Variants in ROBO2 observed in about 807,000 individuals in gnomAD.
The protein encoded by ROBO2 is roundabout homolog 2.
Under a neutral mutation model 160.8 loss-of-function variants are expected in ROBO2, and 53 were observed. That is an observed-to-expected ratio of 0.33 (90% CI 0.26 to 0.41). The LOEUF (loss-of-function observed/expected upper bound fraction) is 0.41, where lower values mean the gene tolerates loss of function less well. Ranked by LOEUF, ROBO2 falls within the 10% of genes least tolerant of loss-of-function variation. The probability of loss-of-function intolerance (pLI) is 1.00; values close to 1 mark genes in which losing one functional copy is unlikely to be tolerated. For synonymous variants in ROBO2, 664 were observed against 611.7 expected, an observed-to-expected ratio of 1.09 and a Z score of -1.26; for missense variants, 1,577 against 1,722.4, an observed-to-expected ratio of 0.92 and a Z score of 1.49.
At chr3:77,581,861 T>C (rs1008571069) in intron 16 of ROBO2, among the ~76,000 whole-genome samples, 72 of 152,204 alleles carry the variant, frequency 4.7e-4, no homozygotes, top group African/African-American at 1.7e-3. Context: ...ATTGTAATTA[T>C]GGATTTATGT....
intron 2 of ROBO2, among the ~76,000 whole-genome samples, chr3:76,920,650 A>G (rs1239556983): frequency 2.0e-5 from 3 of 152,258 alleles, no homozygotes; most frequent in Admixed American, 1.3e-4. Context: ...TCTTGCTTAA[A>G]AACATTATAT....
chr3:77,133,430 TAAC>T (rs2076020059), intron 2 of ROBO2, among the ~76,000 whole-genome samples: 1 of 152,150 alleles, frequency 6.6e-6, no homozygotes, highest in Non-Finnish European at 1.5e-5. Context: ...GGAAATCAAA[TAAC>T]AACTCTATTA....
chr3:77,122,996 G>C (rs2074931876), intron 2 of ROBO2, among the ~76,000 whole-genome samples: 1 of 152,044 alleles, frequency 6.6e-6, no homozygotes, highest in Non-Finnish European at 1.5e-5. Flanking sequence ...TTTGATCAAA[G>C]TCATTACTTT....
At chr3:76,214,589 C>T (rs1703373381) in intron 2 of ROBO2, among the ~76,000 whole-genome samples, 1 of 152,198 alleles carries the variant, frequency 6.6e-6, no homozygotes, top group Non-Finnish European at 1.5e-5. Flanking sequence ...TGAGATCGAA[C>T]TGCAAGGCAG....
Position 77,634,795 on chromosome 3 carries a change from G to A in ROBO2, c.3761-75G>A, listed in dbSNP as rs999756318. The A allele has an allele frequency of 5.0e-5, 70 of 1,394,376 alleles. 1 individual carries two copies. In the South Asian group the frequency reaches 6.6e-4, roughly 13 times the overall value. The allele number at this position is 1,394,376 out of a possible 1,614,324, so 86.4% of individuals were successfully genotyped here. A position where few individuals can be genotyped will look rare whatever the true frequency, so the allele number is the denominator to read the frequency against. ...TAGGTAGATTTACAGGTTAGTCATA[G>A]TGCAGAAATATAGGACAGAATCAGT... On this transcript the variant is annotated intron_variant, in intron 23 of 25. Transcript: ENST00000461745.
chr3:77,342,893 G>A (rs145916823), intron 2 of ROBO2, among the ~76,000 whole-genome samples: 50 of 152,316 alleles, frequency 3.3e-4, no homozygotes, highest in African/African-American at 1.2e-3. Flanking sequence ...GAATACCACA[G>A]GCTGGATGGC....
At chr3:76,555,669 G>T (rs1389525887) in intron 2 of ROBO2, among the ~76,000 whole-genome samples, 3 of 152,088 alleles carry the variant, frequency 2.0e-5, no homozygotes, top group Non-Finnish European at 2.9e-5. Context: ...GGCTTACATT[G>T]CCTTTTTTTA....
At position 77,507,025 on chromosome 3, in the gene ROBO2, A is replaced by T. The variant is rs182925591; in HGVS notation, c.806+13643A>T. Among the ~76,000 whole-genome samples the T allele has an allele frequency of 6.6e-5, 10 of 152,220 alleles. No individual in the cohort carries two copies. In the East Asian group the frequency reaches 1.9e-3, roughly 29 times the overall value. On this transcript the variant is annotated intron_variant, in intron 5 of 25. Transcript: ENST00000461745. ...TTTTCTAGAATATATAAGGCAGATA[A>T]TTTTTCTTCATATTCCTTGCACATC...
rs79108691 is a variant in ROBO2 at position 76,014,365 on chromosome 3, T to C, written c.109+76763T>C. On this transcript the variant is annotated intron_variant, in intron 2 of 26. Coordinates refer to the ROBO2 transcript ENST00000487694. ...GGCAATTGGCGGCTGGCACGGTGGT[T>C]TATGCGTGTAATCCCAGAAGTAATC... Among the ~76,000 whole-genome samples the C allele has an allele frequency of 3.4e-3, 422 of 124,498 alleles. 155 individuals are homozygous for C. Among genetic ancestry groups the C allele is most frequent in the Non-Finnish European group, 5.4e-3 (273 of 50,378 alleles). The allele number at this position is 124,498 out of a possible 152,430, so 81.7% of individuals were successfully genotyped here.
intron 2 of ROBO2, among the ~76,000 whole-genome samples, chr3:77,123,581 G>T (rs7618319): frequency 0.27 from 41,663 of 151,700 alleles, 6,521 homozygotes; most frequent in Non-Finnish European, 0.36. Context: ...TTGACTGCTT[G>T]CACACTAATT....
At chr3:76,176,611 TAGG>T (rs750150840) in intron 2 of ROBO2, among the ~76,000 whole-genome samples, 15 of 152,270 alleles carry the variant, frequency 9.9e-5, no homozygotes, top group Non-Finnish European at 2.1e-4. Flanking sequence ...ATGGATCTGT[TAGG>T]AGGAAGATAT....
At chr3:77,293,187 A>T (rs62251163) in intron 2 of ROBO2, among the ~76,000 whole-genome samples, 40,796 of 143,932 alleles carry the variant, frequency 0.28, 5,838 homozygotes, top group Middle Eastern at 0.43. Flanking sequence ...GTAAAGACAT[A>T]AAGTAAAATT....
At chr3:76,168,866 TGCCTATCTA>T in intron 2 of ROBO2, among the ~76,000 whole-genome samples, 1 of 151,872 alleles carries the variant, frequency 6.6e-6, no homozygotes, top group South Asian at 2.1e-4. Context: ...GAATATTGAT[TGCCTATCTA>T]GTATTGCTAA....
At chr3:77,277,157 C>CTTCTTTCCTTCTTTCT (rs1553882840) in intron 2 of ROBO2, among the ~76,000 whole-genome samples, 1,439 of 88,072 alleles carry the variant, frequency 0.016, 32 homozygotes, top group Non-Finnish European at 0.023. Context: ...TCCTTCTTTC[C>CTTCTTTCCTTCTTTCT]TTCTTTCTTT....
chr3:76,804,667 A>C (rs1033069253), intron 2 of ROBO2, among the ~76,000 whole-genome samples: 1 of 152,194 alleles, frequency 6.6e-6, no homozygotes, highest in Non-Finnish European at 1.5e-5. Context: ...TTCTTAATAT[A>C]TCATCTTTTC....
At chr3:76,335,173 G>GTTT (rs2073783018) in intron 2 of ROBO2, among the ~76,000 whole-genome samples, 5 of 94,192 alleles carry the variant, frequency 5.3e-5, no homozygotes, top group East Asian at 3.6e-4. Context: ...AAACTTTTCT[G>GTTT]TTTTGTTTTT....
intron 14 of ROBO2, among the ~76,000 whole-genome samples, 179 bp downstream of exon 15, chr3:77,574,909 A>G (rs1330578832): frequency 6.6e-6 from 1 of 152,128 alleles, no homozygotes; most frequent in African/African-American, 2.4e-5. Context: ...AAAAAAGGAC[A>G]CTAATGTAAT....
chr3:77,521,993 A>C (rs572709075), intron 5 of ROBO2, among the ~76,000 whole-genome samples: 1 of 151,426 alleles, frequency 6.6e-6, no homozygotes, highest in Admixed American at 6.6e-5. Context: ...CCACAGGTAA[A>C]TATCAGGAGG....
intron 2 of ROBO2, among the ~76,000 whole-genome samples, chr3:76,603,865 C>G (rs973353095): frequency 1.3e-5 from 2 of 151,840 alleles, no homozygotes; most frequent in African/African-American, 4.8e-5. Context: ...AGTTTCCTGT[C>G]AAAATTAAAT....
Sources: gnomAD v4.1 joint callset for allele counts (sites outside exome capture counted in the v4.1 genomes callset) on GRCh38, gnomAD v4.1.1 for gene constraint, MANE v1.5 for transcripts, NCBI Gene and HGNC (gene_info 2026-07-23, HGNC 2026-07-21) for gene names.